Variants in PRDX1 observed in about 807,000 individuals in gnomAD.
The protein encoded by PRDX1 is peroxiredoxin 1.
A neutral mutation model predicts 20.7 loss-of-function variants in PRDX1; 19 were observed. The observed-to-expected ratio is 0.92, with a 90% confidence interval of 0.64 to 1.35. The LOEUF (loss-of-function observed/expected upper bound fraction) is 1.35, where lower values mean the gene tolerates loss of function less well. PRDX1 is among the 40% of genes most tolerant of loss of function. PRDX1 has a pLI of 0.00. For missense variants in PRDX1, 226 were observed against 240.0 expected, an observed-to-expected ratio of 0.94 and a Z score of 0.38; for synonymous variants, 89 against 83.9, an observed-to-expected ratio of 1.06 and a Z score of -0.33.
chr1:45,517,526 A>C (rs965497009), intron 2 of PRDX1, among the ~76,000 whole-genome samples: 16 of 152,204 alleles, frequency 1.1e-4, no homozygotes, highest in Non-Finnish European at 2.2e-4. Flanking sequence ...TCACGCCTGT[A>C]ATCCCAGAAC....
At chr1:45,512,079 T>G (rs956334104) in intron 5 of PRDX1, 10 of 136,678 alleles carry the variant, frequency 7.3e-5, no homozygotes, top group Admixed American at 6.7e-4. Flanking sequence ...CTTTTTTTTT[T>G]TTTTTTTTTT....
intron 3 of PRDX1, 152 bp downstream of exon 3, chr1:45,515,502 G>C: frequency 1.3e-6 from 1 of 790,156 alleles, no homozygotes; most frequent in South Asian, 2.0e-5. Flanking sequence ...AGGAGGCTGA[G>C]GCAGGAGAAT....
upstream of PRDX1, among the ~76,000 whole-genome samples, chr1:45,522,302 A>C (rs1303396275): frequency 1.3e-5 from 2 of 152,188 alleles, no homozygotes; most frequent in African/African-American, 4.8e-5. Flanking sequence ...ATATTTCTTA[A>C]GTTCGCAGCC....
chr1:45,515,862 T>C, intron 2 of PRDX1, 55 bp from the exon 3 acceptor site: 1 of 1,467,528 alleles, frequency 6.8e-7, no homozygotes, highest in Admixed American at 2.6e-5. Flanking sequence ...CCTTGCTTTA[T>C]ATTTTCCTAT....
chr1:45,519,173 A>C (rs543205811), intron 1 of PRDX1, 119 bp from the exon 2 acceptor site: 27 of 640,890 alleles, frequency 4.2e-5, no homozygotes, highest in Admixed American at 1.7e-4. Context: ...GTCCCTGAAT[A>C]CATTAAATGT....
chr1:45,518,150 G>A (rs1643877092), intron 2 of PRDX1, among the ~76,000 whole-genome samples: 1 of 151,632 alleles, frequency 6.6e-6, no homozygotes, highest in Admixed American at 6.6e-5. Flanking sequence ...GGGCAACATG[G>A]CGCCCAGCTC....
intron 1 of PRDX1, among the ~76,000 whole-genome samples, chr1:45,520,558 A>C (rs1245342490): frequency 6.6e-6 from 1 of 151,928 alleles, no homozygotes; most frequent in Non-Finnish European, 1.5e-5. Context: ...CCCCGTCTCT[A>C]ACAAAAATAC....
At chr1:45,511,836 C>T (rs1393953215) in intron 5 of PRDX1, 1 of 153,736 alleles carries the variant, frequency 6.5e-6, no homozygotes, top group Non-Finnish European at 1.4e-5. Flanking sequence ...ATTCTTCTAA[C>T]TCTACCAAAC....
intron 5 of PRDX1, chr1:45,512,193 C>T (rs1049316852): frequency 4.1e-5 from 6 of 145,788 alleles, no homozygotes; most frequent in Non-Finnish European, 6.0e-5. Context: ...TCAAGCGATT[C>T]TCCTGCATCA....
intron 2 of PRDX1, among the ~76,000 whole-genome samples, chr1:45,518,349 C>T (rs529824841): frequency 9.9e-5 from 15 of 151,896 alleles, no homozygotes; most frequent in African/African-American, 3.6e-4. Flanking sequence ...TGCCTGTAAT[C>T]CCAGCTACTC....
chr1:45,522,506 T>C (rs1249892475), upstream of PRDX1, among the ~76,000 whole-genome samples: 2 of 152,160 alleles, frequency 1.3e-5, no homozygotes, highest in Non-Finnish European at 2.9e-5. Flanking sequence ...GGATGAATAA[T>C]TTGACTTTAC....
Position 45,511,380 on chromosome 1 carries a change from G to A in PRDX1, c.549C>T (p.Thr183=), listed in dbSNP as rs750799620. ...CPAGWKPGSD[T]IKPDVQKSKE... ...TGCTCTTTTGGACATCAGGCTTGAT[G>A]GTATCACTGCCAGGTTTCCAGCCAG... is the stretch of plus-strand genomic sequence containing the variant. Residue 183 remains threonine, a synonymous_variant, in exon 6 of 6, where the codon ACC becomes ACT. Transcript: ENST00000319248. The A allele has an allele frequency of 6.2e-7, 1 of 1,613,072 alleles. No individual in the cohort carries two copies.
In PRDX1 at chr1:45,511,315, A is replaced by T. The variant is rs150550487; in HGVS notation, c.*14T>A. 6.3e-7 allele frequency: 1 copy of T among 1,597,332 alleles called. No individual in the cohort carries two copies. Among genetic ancestry groups the T allele is most frequent in the East Asian group, 2.3e-5 (1 of 44,334 alleles). On this transcript the variant is annotated 3_prime_UTR_variant, in exon 6 of 6. Coordinates refer to ENST00000319248, the MANE Select transcript of PRDX1 (RefSeq NM_181697.3). The stretch of plus-strand genomic sequence containing the variant: ...GGCTGCCCACCGCAGCCTGGCACTA[A>T]AACAGCCCAGCGCTCACTTCTGCTT...
upstream of PRDX1, among the ~76,000 whole-genome samples, chr1:45,522,261 C>A (rs2149331371): frequency 6.6e-6 from 1 of 152,346 alleles, no homozygotes; most frequent in South Asian, 2.1e-4. Flanking sequence ...CCACGTCTAA[C>A]CACACCAAGC....
At chr1:45,522,610 A>G (rs1643924156), upstream of PRDX1, among the ~76,000 whole-genome samples, 2 of 152,158 alleles carry the variant, frequency 1.3e-5, no homozygotes, top group South Asian at 4.1e-4. Context: ...ACAAACACAC[A>G]TACACAAAAT....
chr1:45,520,388 G>T (rs1338250372), intron 1 of PRDX1, among the ~76,000 whole-genome samples: 2 of 150,902 alleles, frequency 1.3e-5, no homozygotes, highest in African/African-American at 2.4e-5. Flanking sequence ...TGCTGAAAAG[G>T]AAGGTTGCAC....
At position 45,519,020 on chromosome 1, in the gene PRDX1, A is replaced by G. The variant is rs761240183; in HGVS notation, c.24T>C (p.Ile8=). The part of the protein sequence containing the change: MSSGNAK[I]GHPAPNFKAT... ...CTTTGAAGTTGGGGGCAGGGTGCCCAATTTTAGCATTTCCTGAAGACATCT... is the reference window on the plus strand; with the variant it reads ...CTTTGAAGTTGGGGGCAGGGTGCCCGATTTTAGCATTTCCTGAAGACATCT... The change falls in exon 2 of 6, where the codon ATT becomes ATC. Residue 8 remains isoleucine, a synonymous_variant. Transcript: ENST00000319248. The G allele has an allele frequency of 3.8e-6, 6 of 1,596,290 alleles. No individual in the cohort carries two copies. In the South Asian group the frequency reaches 5.8e-5, roughly 15 times the overall value.
At chr1:45,517,676 A>G (rs12749658) in intron 2 of PRDX1, among the ~76,000 whole-genome samples, 111,303 of 151,680 alleles carry the variant, frequency 0.73, 41,266 homozygotes, top group East Asian at 0.92. Flanking sequence ...CAGCTACTCA[A>G]GAGGCTGAGG....
rs16832553 is a variant in PRDX1, at chr1:45,511,456, G to A, written c.515-42C>T. ...CCACTAATTAATAACCTTCTCAATG[G>A]TATGCACCACCATTCTCCTATGGAC... On this transcript the variant is annotated intron_variant, in intron 5 of 5. Transcript: ENST00000319248. 2.0e-6 allele frequency: 3 copies of A among 1,528,352 alleles called. No homozygotes were observed. In the East Asian group the frequency reaches 6.8e-5, roughly 34 times the overall value. The allele number at this position is 1,528,352 out of a possible 1,614,324, so 94.7% of individuals were successfully genotyped here.
Sources: allele counts gnomAD v4.1 joint callset (sites outside exome capture counted in the v4.1 genomes callset), GRCh38; gene constraint gnomAD v4.1.1; transcripts MANE v1.5; gene names NCBI Gene and HGNC (gene_info 2026-07-23, HGNC 2026-07-21).